Variants in AP1G1 observed in about 807,000 individuals in gnomAD.
AP1G1 encodes adaptor related protein complex 1 subunit gamma 1.
Under a neutral mutation model 108.3 loss-of-function variants are expected in AP1G1, and 7 were observed. The ratio of observed to expected loss-of-function variants is 0.06; its 90% confidence interval spans 0.04 to 0.12. The LOEUF is 0.12. AP1G1 is among the 10% of genes least tolerant of loss of function. The pLI is 1.00. For synonymous variants in AP1G1, 379 were observed against 353.5 expected, an observed-to-expected ratio of 1.07 and a Z score of -0.81; for missense variants, 756 against 1,010.7, an observed-to-expected ratio of 0.75 and a Z score of 3.42.
intron 17 of AP1G1, among the ~76,000 whole-genome samples, chr16:71,746,305 C>T (rs1476582012): frequency 1.3e-5 from 2 of 152,036 alleles, no homozygotes; most frequent in African/African-American, 2.4e-5. Flanking sequence ...CCACCACGCC[C>T]GGCCTCCCAC....
intron 2 of AP1G1, 79 bp from the exon 3 acceptor site, chr16:71,774,671 G>A: frequency 7.0e-7 from 1 of 1,431,938 alleles, no homozygotes; most frequent in East Asian, 2.4e-5. Context: ...TTAACCCAGA[G>A]TCCCCAGCTG....
At chr16:71,785,483 G>A (rs1252885507) in intron 2 of AP1G1, among the ~76,000 whole-genome samples, 4 of 151,134 alleles carry the variant, frequency 2.6e-5, no homozygotes, top group African/African-American at 9.7e-5. Flanking sequence ...GCTGAGGCAG[G>A]AGAATCGCTT....
At position 71,766,500 on chromosome 16, in the gene AP1G1, T is replaced by C. The variant is rs377709385; in HGVS notation, c.643-916A>G. ...AAAAGGTTTGCCACAATAGGAACTT[T>C]TTATGTTTCCAACTAAAAACTCAAT... On this transcript the variant is annotated intron_variant, in intron 6 of 22. Transcript: ENST00000299980. 1.8e-5 allele frequency: 8 copies of C among 449,670 alleles called. No homozygotes were observed. The East Asian group carries it at 2.8e-4, about 16-fold the overall frequency. The allele number at this position is 449,670 out of a possible 1,614,324, so 27.9% of individuals were successfully genotyped here. A position where few individuals can be genotyped will look rare whatever the true frequency, so the allele number is the denominator to read the frequency against.
chr16:71,775,371 C>T (rs992179302), intron 2 of AP1G1, among the ~76,000 whole-genome samples: 2 of 152,100 alleles, frequency 1.3e-5, no homozygotes, highest in African/African-American at 4.8e-5. Flanking sequence ...GATTTAAGAC[C>T]TTTGGATATC....
At chr16:71,738,909 C>G (rs753214058) in intron 21 of AP1G1, 33 bp downstream of exon 21, 1 of 1,555,390 alleles carries the variant, frequency 6.4e-7, no homozygotes, top group Non-Finnish European at 8.7e-7. Context: ...AATCTTTAAT[C>G]AAAGGAAACA....
intron 9 of AP1G1, among the ~76,000 whole-genome samples, chr16:71,763,040 G>T (rs1476790331): frequency 6.6e-6 from 1 of 152,182 alleles, no homozygotes; most frequent in Non-Finnish European, 1.5e-5. Flanking sequence ...AAAACTGCTT[G>T]ATGTATAGGG....
At chr16:71,808,350 G>A (rs1433946822) in intron 1 of AP1G1, 1 of 810,240 alleles carries the variant, frequency 1.2e-6, no homozygotes, top group Non-Finnish European at 1.7e-6. Context: ...GGAGTTATCT[G>A]ACAGACCTGA....
intron 2 of AP1G1, among the ~76,000 whole-genome samples, chr16:71,785,575 CAAA>C (rs71389702): frequency 0.12 from 8,602 of 73,234 alleles, 249 homozygotes; most frequent in African/African-American, 0.13. Context: ...AACCCTGCCT[CAAA>C]AAAAAAAAAA....
intron 1 of AP1G1, 94 bp downstream of exon 1, chr16:71,808,668 AC>A (rs1245978763): frequency 1.6e-6 from 2 of 1,288,380 alleles, no homozygotes; most frequent in South Asian, 2.5e-5. Flanking sequence ...CTGGGACTGG[AC>A]CCCTGAAACT....
Position 71,765,569 on chromosome 16 carries a change from C to G in AP1G1, c.658G>C (p.Val220Leu). The change falls in exon 7 of 23, where the codon GTT (valine) becomes CTT (leucine). Residue 220 changes from valine (V) to leucine (L), a missense_variant. Physicochemically the swap from Val to Leu is conservative, Grantham distance 32. Around this residue, in one of 3 missense-constraint regions of AP1G1, gnomAD observed 304 missense variants for 483.6 expected, o/e 0.63. Transcript: ENST00000299980. ...ATGATGAGGTTCTTTAAAATACGAA[C>G]TAATTGGGGCACAAGCTGCAGAGAA... is the stretch of plus-strand genomic sequence containing the variant. ...AHFRKLVPQL[V>L]RILKNLIMSG... 1 of 1,612,384 alleles carries G rather than the reference C, an allele frequency of 6.2e-7. No homozygotes were observed. The highest frequency in any genetic ancestry group is 8.5e-7 in the Non-Finnish European group (1 of 1,178,716).
chr16:71,768,282 G>A (rs1313348936), intron 6 of AP1G1, among the ~76,000 whole-genome samples: 2 of 150,156 alleles, frequency 1.3e-5, no homozygotes, highest in Non-Finnish European at 3.0e-5. Context: ...TGGATCACCT[G>A]AGGTCAAGAG....
intron 21 of AP1G1, among the ~76,000 whole-genome samples, chr16:71,736,686 C>T (rs537235491): frequency 3.0e-4 from 45 of 148,146 alleles, no homozygotes; most frequent in Non-Finnish European, 4.3e-4. Context: ...CCCGGGCTCA[C>T]GCCATTCTCC....
intron 3 of AP1G1, 84 bp downstream of exon 3, chr16:71,774,384 A>G: frequency 6.7e-7 from 1 of 1,494,610 alleles, no homozygotes; most frequent in South Asian, 1.2e-5. Context: ...AGCCTGGGCA[A>G]AAGAGCAAGA....
rs2045482705 is a variant in AP1G1 at position 71,732,354 on chromosome 16, C to G, written c.*704G>C. The G allele has an allele frequency of 6.6e-6, 1 of 152,614 alleles. No homozygotes were observed. Among genetic ancestry groups the G allele is most frequent in the Non-Finnish European group, 1.5e-5 (1 of 68,040 alleles). 9.5% of individuals were successfully genotyped at this position (152,614 alleles called of 1,614,324 possible). A position where few individuals can be genotyped will look rare whatever the true frequency, so the allele number is the denominator to read the frequency against. ...GAGCACCATATCCTTCATGCCAAAT[C>G]TCAACAAAAGCTCTTTTTAACTCCA... On this transcript the variant is annotated 3_prime_UTR_variant, in exon 23 of 23. Transcript: ENST00000299980.
intron 21 of AP1G1, among the ~76,000 whole-genome samples, chr16:71,735,655 CAAA>C (rs57116084): frequency 8.2e-6 from 1 of 121,658 alleles, no homozygotes; most frequent in Non-Finnish European, 1.8e-5. Context: ...GACTCCGTCT[CAAA>C]AAAAAAAAAA....
intron 13 of AP1G1, among the ~76,000 whole-genome samples, chr16:71,751,106 G>A (rs1163917342): frequency 6.8e-6 from 1 of 146,414 alleles, no homozygotes; most frequent in Non-Finnish European, 1.5e-5. Flanking sequence ...AGTGAGCCGA[G>A]TTTGCGCCAC....
intron 2 of AP1G1, among the ~76,000 whole-genome samples, chr16:71,785,057 C>T (rs1208604584): frequency 6.6e-6 from 1 of 150,950 alleles, no homozygotes; most frequent in African/African-American, 2.4e-5. Flanking sequence ...GTATGATCAA[C>T]ACAAAAATTA....
chr16:71,802,750 C>T lies in AP1G1; in HGVS notation c.-4+6013G>A, dbSNP rs2142285633. ...GTCTCAAAAAAAAAATTCGTACAGCCAGAGTCCCACTGTGTTTCCCAGGCT... is the reference window on the plus strand; with the variant it reads ...GTCTCAAAAAAAAAATTCGTACAGCTAGAGTCCCACTGTGTTTCCCAGGCT... On this transcript the variant is annotated intron_variant, in intron 1 of 22. Coordinates refer to ENST00000299980, the MANE Select transcript of AP1G1 (RefSeq NM_001128.6). 2.0e-5 allele frequency among the ~76,000 whole-genome samples: 3 copies of T among 150,530 alleles called. No homozygotes were observed. In the Middle Eastern group the frequency reaches 0.01, roughly 523 times the overall value.
chr16:71,737,695 A>C (rs1351928774), intron 21 of AP1G1, among the ~76,000 whole-genome samples: 1 of 152,270 alleles, frequency 6.6e-6, no homozygotes, highest in African/African-American at 2.4e-5. Context: ...CAAAGTCAGC[A>C]GTACCCACAA....
Sources: allele counts gnomAD v4.1 joint callset (sites outside exome capture counted in the v4.1 genomes callset), GRCh38; gene constraint gnomAD v4.1.1; regional missense constraint gnomAD v4.1.1; transcripts MANE v1.5; gene names NCBI Gene and HGNC (gene_info 2026-07-23, HGNC 2026-07-21).